The following PRH1 variants were observed in gnomAD, a reference collection of about 807,000 sequenced individuals.
The protein encoded by PRH1 is salivary acidic proline-rich phosphoprotein 1/2.
PRH1 carries 7 observed loss-of-function variants against 7.9 expected under a neutral mutation model. The observed-to-expected ratio is 0.89, with a 90% CI of 0.50 to 1.67. The LOEUF (loss-of-function observed/expected upper bound fraction) is 1.67. Among genes scored for constraint, PRH1 ranks in the 40% most tolerant of loss-of-function variants. The pLI is 0.00. For missense variants in PRH1, 109 were observed against 223.6 expected, an observed-to-expected ratio of 0.49 and a Z score of 3.27; for synonymous variants, 45 against 80.8, an observed-to-expected ratio of 0.56 and a Z score of 2.38.
intron 2 of PRH1, chr12:10,932,386 G>T: frequency 8.1e-6 from 2 of 246,756 alleles, no homozygotes; most frequent in South Asian, 4.3e-5. Flanking sequence ...TGTTCACATT[G>T]TAAGAACATC....
intron 1 of PRH1, chr12:10,997,854 C>T: frequency 6.2e-7 from 1 of 1,601,306 alleles, no homozygotes; most frequent in Non-Finnish European, 8.5e-7. Flanking sequence ...ATGGAAAAAA[C>T]AATGTGTAGA....
chr12:10,995,112 T>C (rs1356063998), intron 1 of PRH1, among the ~76,000 whole-genome samples: 1 of 152,192 alleles, frequency 6.6e-6, no homozygotes, highest in Non-Finnish European at 1.5e-5. Flanking sequence ...AGAACAGAAA[T>C]GTGCACCCAA....
chr12:10,991,488 A>G (rs1383588333), intron 1 of PRH1, among the ~76,000 whole-genome samples: 4 of 152,164 alleles, frequency 2.6e-5, no homozygotes, highest in Non-Finnish European at 5.9e-5. Flanking sequence ...AACATTATTG[A>G]TGCTCCGACC....
chr12:11,150,565 C>G (rs1287884625), intron 1 of PRH1, among the ~76,000 whole-genome samples: 1 of 151,978 alleles, frequency 6.6e-6, no homozygotes, highest in Non-Finnish European at 1.5e-5. Flanking sequence ...TAAACTATGG[C>G]AAGGACAAAA....
intron 2 of PRH1, chr12:10,973,357 A>T: frequency 1.2e-5 from 3 of 247,748 alleles, no homozygotes; most frequent in Non-Finnish European, 2.3e-5. Context: ...ATTTCTTTTC[A>T]GTTTTGATAA....
At chr12:10,987,582 A>G (rs1400468997) in intron 1 of PRH1, among the ~76,000 whole-genome samples, 2 of 151,942 alleles carry the variant, frequency 1.3e-5, no homozygotes, top group Admixed American at 1.3e-4. Context: ...GACACCCCTA[A>G]GAGATGGAAG....
At chr12:11,000,915 A>G (rs1281534936) in intron 1 of PRH1, among the ~76,000 whole-genome samples, 1 of 152,078 alleles carries the variant, frequency 6.6e-6, no homozygotes, top group African/African-American at 2.4e-5. Context: ...TTCTCCTTCT[A>G]TAAATCATTA....
intron 1 of PRH1, among the ~76,000 whole-genome samples, chr12:10,992,125 G>C (rs903063277): frequency 6.6e-6 from 1 of 152,166 alleles, no homozygotes; most frequent in Non-Finnish European, 1.5e-5. Context: ...AGCCAGTTCA[G>C]AGAAGCAGAG....
chr12:10,936,476 C>G (rs1349158041), intron 2 of PRH1, among the ~76,000 whole-genome samples: 1 of 152,006 alleles, frequency 6.6e-6, no homozygotes, highest in East Asian at 1.9e-4. Context: ...CCATGTGATA[C>G]TCATCACATG....
intron 1 of PRH1, among the ~76,000 whole-genome samples, chr12:11,083,259 A>G (rs1944552074): frequency 8.1e-6 from 1 of 123,508 alleles, no homozygotes; most frequent in South Asian, 2.3e-4. Context: ...GGTGTCTAGC[A>G]AAATACAGAT....
At chr12:11,092,438 A>G (rs1944955192) in intron 1 of PRH1, 2 of 311,978 alleles carry the variant, frequency 6.4e-6, no homozygotes, top group African/African-American at 2.5e-5. Context: ...CCACAGAGTG[A>G]AAGGCAACCC....
intron 1 of PRH1, among the ~76,000 whole-genome samples, chr12:11,032,602 C>T (rs529342616): frequency 2.2e-4 from 34 of 152,236 alleles, no homozygotes; most frequent in African/African-American, 8.2e-4. Context: ...TGAAATTAGT[C>T]CTATTTTCCC....
chr12:11,045,658 T>C (rs1220751426), intron 1 of PRH1, among the ~76,000 whole-genome samples: 1 of 119,378 alleles, frequency 8.4e-6, no homozygotes, highest in African/African-American at 2.8e-5. Context: ...AATGTTAAAA[T>C]ACCAAAAAAT....
chr12:11,105,133 A>G (rs1338894412), intron 1 of PRH1, among the ~76,000 whole-genome samples: 2 of 152,084 alleles, frequency 1.3e-5, no homozygotes, highest in Non-Finnish European at 2.9e-5. Context: ...AAAAAATATA[A>G]TTAGTTAACA....
intron 2 of PRH1, among the ~76,000 whole-genome samples, chr12:10,956,977 C>A (rs190787989): frequency 6.6e-6 from 1 of 151,956 alleles, no homozygotes; most frequent in African/African-American, 2.4e-5. Flanking sequence ...TGTTTAAATG[C>A]CCATACTGCC....
intron 1 of PRH1, among the ~76,000 whole-genome samples, chr12:11,071,868 G>T (rs1289467707): frequency 6.6e-6 from 1 of 152,178 alleles, no homozygotes; most frequent in African/African-American, 2.4e-5. Context: ...CTCTACCCTT[G>T]CTCAATAACC....
intron 2 of PRH1, among the ~76,000 whole-genome samples, chr12:10,918,337 A>G (rs1950001018): frequency 6.6e-6 from 1 of 152,210 alleles, no homozygotes; most frequent in African/African-American, 2.4e-5. Flanking sequence ...CCTATGTAAC[A>G]AACCTGCATA....
Position 11,016,303 on chromosome 12 carries a change from T to C in PRH1, c.-126+30717A>G, listed in dbSNP as rs147684021. On this transcript the variant is annotated intron_variant, in intron 1 of 3. Transcript: ENST00000539853. ...GTACACTTAAAGGCAAGACACTTTG[T>C]GCTCCTTCCCCAAGCTAGGTTTGGA... Among the ~76,000 whole-genome samples, 148 of 152,324 alleles carry C rather than the reference T, an allele frequency of 9.7e-4. 2 individuals carry two copies. Among genetic ancestry groups the C allele is most frequent in the African/African-American group, 3.4e-3 (140 of 41,584 alleles).
intron 1 of PRH1, among the ~76,000 whole-genome samples, chr12:11,168,440 A>AG (rs1565726906): frequency 2.3e-4 from 33 of 143,650 alleles, no homozygotes; most frequent in African/African-American, 8.4e-4. Context: ...AGAAAAGAAA[A>AG]AAGAAAGAAA....
Sources: gnomAD v4.1 joint callset for allele counts (sites outside exome capture counted in the v4.1 genomes callset) on GRCh38, gnomAD v4.1.1 for gene constraint, MANE v1.5 for transcripts, NCBI Gene and HGNC (gene_info 2026-07-23, HGNC 2026-07-21) for gene names.